MLLT1: variants seen among roughly 807,000 people sequenced by gnomAD.
MLLT1 encodes the protein MLLT1 super elongation complex subunit.
A neutral mutation model predicts 55.1 loss-of-function variants in MLLT1; 11 were observed. That is an observed-to-expected ratio of 0.20 (90% confidence interval 0.13 to 0.33). The LOEUF (loss-of-function observed/expected upper bound fraction) is 0.33, where lower values mean the gene tolerates loss of function less well. Ranked by LOEUF, MLLT1 falls within the 10% of genes least tolerant of loss-of-function variation. MLLT1 has a pLI of 1.00. For missense variants in MLLT1, 536 were observed against 760.6 expected (o/e 0.70, Z 3.47); for synonymous variants, 323 against 320.1 (o/e 1.01, Z -0.10).
In MLLT1 at chr19:6,227,609, C is replaced by T. The variant is rs934513402; in HGVS notation, c.421-507G>A. 6.6e-6 allele frequency among the ~76,000 whole-genome samples: 1 copy of T among 152,166 alleles called. No homozygotes were observed. The highest frequency in any genetic ancestry group is 1.5e-5 in the Non-Finnish European group (1 of 68,014). ...TGGTGTGCGGTGACTGCAGCGGACC[C>T]GAACAGGGCAAGAGCACCCAGGCTG... On this transcript the variant is annotated intron_variant, in intron 4 of 11. Coordinates refer to ENST00000252674, the MANE Select transcript of MLLT1 (RefSeq NM_005934.4). This position sits in a 1 kb window ranked among gnomAD's most constrained non-coding sequence, Gnocchi z 5.1.
In MLLT1 at chr19:6,226,034, G is replaced by A. The variant is rs1245391528; in HGVS notation, c.546+943C>T. Among the ~76,000 whole-genome samples, 2 of 152,232 alleles carry A rather than the reference G, an allele frequency of 1.3e-5. No homozygotes were observed. Among genetic ancestry groups the A allele is most frequent in the African/African-American group, 4.8e-5 (2 of 41,456 alleles). Reference sequence around the variant, plus strand: ...CGATTTCTAAGACCTGCTGGCCTTGGGGAAAGAGCCAGAAAGACCTGCCTG... The same window carrying A: ...CGATTTCTAAGACCTGCTGGCCTTGAGGAAAGAGCCAGAAAGACCTGCCTG... On this transcript the variant is annotated intron_variant, in intron 5 of 11. Coordinates refer to ENST00000252674, the MANE Select transcript of MLLT1 (RefSeq NM_005934.4). This position sits in a 1 kb window ranked among gnomAD's most constrained non-coding sequence, Gnocchi z 6.3.
chr19:6,243,520 G>A (rs1452912942), intron 3 of MLLT1, among the ~76,000 whole-genome samples: 3 of 152,156 alleles, frequency 2.0e-5, no homozygotes, highest in Non-Finnish European at 2.9e-5. Context: ...CTGAAGCCAC[G>A]GCCACAGAGC....
chr19:6,252,026 C>A (rs1274117128), intron 3 of MLLT1, among the ~76,000 whole-genome samples: 2 of 152,182 alleles, frequency 1.3e-5, no homozygotes, highest in Admixed American at 6.5e-5. Flanking sequence ...GAGGGTGTTT[C>A]CAGAGGACAC....
intron 3 of MLLT1, among the ~76,000 whole-genome samples, chr19:6,243,474 T>C (rs902974554): frequency 1.3e-5 from 2 of 152,204 alleles, no homozygotes; most frequent in Non-Finnish European, 2.9e-5. Context: ...CAGAACATCA[T>C]GGGACAGGCG....
chr19:6,229,777 C>T lies in MLLT1; in HGVS notation c.420+793G>A, dbSNP rs918847524. ...ACACCCCACACATACACACGACACA[C>T]ACCCCATACCACACATGCCACTCAC... is the stretch of plus-strand genomic sequence containing the variant. On this transcript the variant is annotated intron_variant, in intron 4 of 11. Transcript: ENST00000252674. This position sits in a 1 kb window ranked among gnomAD's most constrained non-coding sequence, Gnocchi z 5.2. 6.6e-6 allele frequency among the ~76,000 whole-genome samples: 1 copy of T among 151,924 alleles called. No homozygotes were observed. The highest frequency in any genetic ancestry group is 1.5e-5 in the Non-Finnish European group (1 of 67,952).
chr19:6,244,114 G>C (rs1382591033), intron 3 of MLLT1, among the ~76,000 whole-genome samples: 1 of 151,190 alleles, frequency 6.6e-6, no homozygotes, highest in Non-Finnish European at 1.5e-5. Context: ...TTTCTAACTG[G>C]GTCCCCGTGA....
rs1033316947 is a variant in MLLT1 at position 6,273,706 on chromosome 19, A to G, written c.13-2947T>C. Among the ~76,000 whole-genome samples, 1 of 152,204 alleles carries G rather than the reference A, an allele frequency of 6.6e-6. No individual in the cohort carries two copies. Among genetic ancestry groups the G allele is most frequent in the Non-Finnish European group, 1.5e-5 (1 of 68,038 alleles). On this transcript the variant is annotated intron_variant, in intron 1 of 11. Coordinates refer to ENST00000252674, the MANE Select transcript of MLLT1 (RefSeq NM_005934.4). This position sits in a 1 kb window ranked among gnomAD's most constrained non-coding sequence, Gnocchi z 4.3. ...CATTACAGGTGAAAACTAAATGTAC[A>G]TATACATCATGGGAACAGCACCAGG... is the stretch of plus-strand genomic sequence containing the variant.
intron 3 of MLLT1, among the ~76,000 whole-genome samples, chr19:6,242,291 C>T (rs1385502307): frequency 1.3e-5 from 2 of 152,160 alleles, no homozygotes; most frequent in African/African-American, 2.4e-5. Context: ...CTGTCATGTG[C>T]GACTGCCTAG....
At chr19:6,266,738 T>A (rs1196105151) in intron 2 of MLLT1, among the ~76,000 whole-genome samples, 1 of 152,172 alleles carries the variant, frequency 6.6e-6, no homozygotes, top group African/African-American at 2.4e-5. Flanking sequence ...ATTACAGGCA[T>A]GAGCCACTGC....
chr19:6,247,636 A>G (rs2091180833), intron 3 of MLLT1, among the ~76,000 whole-genome samples: 1 of 152,226 alleles, frequency 6.6e-6, no homozygotes, highest in Admixed American at 6.5e-5. Context: ...CCAGTAGGCC[A>G]CCACTGGGGG....
Position 6,233,140 on chromosome 19 carries a change from T to C in MLLT1, c.277-2427A>G, listed in dbSNP as rs539053864. Among the ~76,000 whole-genome samples the C allele has an allele frequency of 1.1e-3, 171 of 152,126 alleles. 1 individual carries two copies. The highest frequency in any genetic ancestry group is 4.0e-3 in the African/African-American group (168 of 41,502). On this transcript the variant is annotated intron_variant, in intron 3 of 11. Coordinates refer to ENST00000252674, the MANE Select transcript of MLLT1 (RefSeq NM_005934.4). ...CCAAGGGGCTCGAGGTGCTGCAGAG[T>C]GCCGTCTCTCCCCAGCCTGCCTGCA...
intron 3 of MLLT1, among the ~76,000 whole-genome samples, chr19:6,255,468 A>T (rs1404927281): frequency 6.6e-6 from 1 of 152,034 alleles, no homozygotes; most frequent in African/African-American, 2.4e-5. Flanking sequence ...ACTCCAGCCT[A>T]GGTGATGGAC....
intron 1 of MLLT1, among the ~76,000 whole-genome samples, chr19:6,274,595 G>A (rs1275750543): frequency 6.6e-6 from 1 of 152,180 alleles, no homozygotes; most frequent in Non-Finnish European, 1.5e-5. Flanking sequence ...GCCTGCTGCT[G>A]GGAGGCCACT....
chr19:6,277,110 T>C (rs949761286), intron 1 of MLLT1, among the ~76,000 whole-genome samples: 1 of 152,254 alleles, frequency 6.6e-6, no homozygotes, highest in Non-Finnish European at 1.5e-5. Flanking sequence ...GCATTTTCCC[T>C]GTGCCAAGAG....
In MLLT1 at chr19:6,226,716, T is replaced by G. The variant is rs1426289700; in HGVS notation, c.546+261A>C. On this transcript the variant is annotated intron_variant, in intron 5 of 11. Coordinates refer to ENST00000252674, the MANE Select transcript of MLLT1 (RefSeq NM_005934.4). The surrounding 1 kb of genome is among the most constrained non-coding windows in gnomAD (Gnocchi z 6.3). ...AGCAGTCCTGGGGCCCTGCCATCACTTGGCAGAACGGGAGAGGACTAGGCA... is the reference window on the plus strand; with the variant it reads ...AGCAGTCCTGGGGCCCTGCCATCACGTGGCAGAACGGGAGAGGACTAGGCA... Among the ~76,000 whole-genome samples, 1 of 152,026 alleles carries G rather than the reference T, an allele frequency of 6.6e-6. No homozygotes were observed. Among genetic ancestry groups the G allele is most frequent in the Non-Finnish European group, 1.5e-5 (1 of 68,008 alleles).
At position 6,227,531 on chromosome 19, in the gene MLLT1, G is replaced by A. The variant is rs1157384972; in HGVS notation, c.421-429C>T. 6.6e-6 allele frequency among the ~76,000 whole-genome samples: 1 copy of A among 152,244 alleles called. No individual in the cohort carries two copies. Among genetic ancestry groups the A allele is most frequent in the East Asian group, 1.9e-4 (1 of 5,196 alleles). ...AAGGCAGGCAGCAACTTCCCGGGGT[G>A]CACATGGGTGCAACTCCAGTGGGTC... On this transcript the variant is annotated intron_variant, in intron 4 of 11. Coordinates refer to ENST00000252674, the MANE Select transcript of MLLT1 (RefSeq NM_005934.4). The surrounding 1 kb of genome is among the most constrained non-coding windows in gnomAD (Gnocchi z 5.1).
At position 6,270,694 on chromosome 19, in the gene MLLT1, C is replaced by T. The variant is rs765080516; in HGVS notation, c.78G>A (p.Glu26=). The T allele has an allele frequency of 5.6e-6, 9 of 1,614,032 alleles. No homozygotes were observed. Among genetic ancestry groups the T allele is most frequent in the South Asian group, 2.2e-5 (2 of 91,086 alleles). The change falls in exon 2 of 12, where the codon GAG becomes GAA. Residue 26 remains glutamate (E), a synonymous_variant. Transcript: ENST00000252674. The surrounding 1 kb of genome is among the most constrained non-coding windows in gnomAD (Gnocchi z 7.1). ...ACACCATCCAGTCGTGAGTGAACCC[C>T]TCCGTGGTGGGCTTCTTGCGCAGTT... is the stretch of plus-strand genomic sequence containing the variant. ...RAQLRKKPTT[E]GFTHDWMVFV...
chr19:6,255,886 G>A (rs545468214), intron 3 of MLLT1, among the ~76,000 whole-genome samples: 2 of 152,288 alleles, frequency 1.3e-5, no homozygotes, highest in African/African-American at 4.8e-5. Flanking sequence ...CAGCATTTTC[G>A]GGGCCCAAGG....
At chr19:6,272,769 G>A (rs892972817) in intron 1 of MLLT1, among the ~76,000 whole-genome samples, 6 of 152,214 alleles carry the variant, frequency 3.9e-5, no homozygotes, top group South Asian at 2.1e-4. Context: ...TTTTGGAGAC[G>A]GCAGGGCCAT....
Sources: gnomAD v4.1 joint callset for allele counts (sites outside exome capture counted in the v4.1 genomes callset) on GRCh38, gnomAD v4.1.1 for gene constraint, Gnocchi (gnomAD v3.1) non-coding constraint, MANE v1.5 for transcripts, NCBI Gene and HGNC (gene_info 2026-07-23, HGNC 2026-07-21) for gene names.